The following EYS variants were observed in gnomAD, a reference collection of about 807,000 sequenced individuals.
The protein encoded by EYS is EGF-like photoreceptor maintenance factor, also known as protein eyes shut homolog.
Under a neutral mutation model 282.1 loss-of-function variants are expected in EYS, and 250 were observed. The ratio of observed to expected loss-of-function variants is 0.89; its 90% confidence interval spans 0.80 to 0.98. The LOEUF is 0.98. Among genes scored for constraint, EYS ranks in the 50% least tolerant of loss-of-function variants. The pLI, the probability that EYS is intolerant of heterozygous loss-of-function variation, is 0.00. For synonymous variants in EYS, 1,355 were observed against 1,282.9 expected, an observed-to-expected ratio of 1.06 and a Z score of -1.20; for missense variants, 4,016 against 3,709.0, an observed-to-expected ratio of 1.08 and a Z score of -2.15.
chr6:63,811,023 A>G (rs2149681185), intron 36 of EYS, among the ~76,000 whole-genome samples: 1 of 152,082 alleles, frequency 6.6e-6, no homozygotes, highest in Non-Finnish European at 1.5e-5. Flanking sequence ...ACCCCTTCTC[A>G]TTTGCTCAAG....
intron 15 of EYS, among the ~76,000 whole-genome samples, chr6:64,941,179 G>A (rs1218257916): frequency 2.0e-5 from 3 of 151,894 alleles, no homozygotes; most frequent in South Asian, 2.1e-4. Context: ...TCAGGAGTTC[G>A]AGACCAGCCT....
At chr6:64,612,743 A>G (rs970719369) in intron 24 of EYS, among the ~76,000 whole-genome samples, 1 of 151,908 alleles carries the variant, frequency 6.6e-6, no homozygotes, top group African/African-American at 2.4e-5. Context: ...CTCCCACATC[A>G]CTCTTCATCA....
chr6:65,140,629 T>C (rs1764305672), intron 12 of EYS, among the ~76,000 whole-genome samples: 1 of 150,472 alleles, frequency 6.6e-6, no homozygotes, highest in South Asian at 2.1e-4. Flanking sequence ...TACAATGAAC[T>C]CAAACAAATT....
At chr6:65,414,283 T>C (rs992087074) in intron 5 of EYS, among the ~76,000 whole-genome samples, 5 of 152,162 alleles carry the variant, frequency 3.3e-5, no homozygotes, top group African/African-American at 1.2e-4. Flanking sequence ...ATTCTGGCAT[T>C]TACTGCTTTT....
At chr6:64,769,406 AATT>A (rs1370358570) in intron 22 of EYS, among the ~76,000 whole-genome samples, 1 of 151,982 alleles carries the variant, frequency 6.6e-6, no homozygotes, top group Non-Finnish European at 1.5e-5. Flanking sequence ...AATTTTATAT[AATT>A]TTCACATTAT....
chr6:64,331,602 C>A (rs984565661), intron 29 of EYS, among the ~76,000 whole-genome samples: 1 of 12,578 alleles, frequency 8.0e-5, no homozygotes, highest in Non-Finnish European at 1.8e-4. Context: ...AGCCCCCCCG[C>A]CCGCCCAGTT....
intron 7 of EYS, among the ~76,000 whole-genome samples, chr6:65,391,924 T>TC (rs1766052860): frequency 6.6e-6 from 1 of 152,086 alleles, no homozygotes; most frequent in Non-Finnish European, 1.5e-5. Flanking sequence ...CAAACTATAC[T>TC]ACAAGGCTAT....
intron 31 of EYS, among the ~76,000 whole-genome samples, chr6:64,167,696 G>A (rs1163170318): frequency 3.3e-5 from 5 of 152,026 alleles, no homozygotes; most frequent in Non-Finnish European, 7.4e-5. Context: ...GTATGCATAT[G>A]ATATATTAAA....
At chr6:64,473,999 C>T (rs1006663143) in intron 26 of EYS, among the ~76,000 whole-genome samples, 2 of 152,136 alleles carry the variant, frequency 1.3e-5, no homozygotes, top group African/African-American at 2.4e-5. Context: ...CTTAATTATG[C>T]TCATTAATTA....
intron 2 of EYS, among the ~76,000 whole-genome samples, chr6:65,639,041 G>A (rs182432907): frequency 2.0e-4 from 31 of 152,216 alleles, no homozygotes; most frequent in African/African-American, 7.5e-4. Context: ...AAAACAAATA[G>A]TAACATGATT....
At chr6:65,242,240 T>A (rs926563488) in intron 12 of EYS, among the ~76,000 whole-genome samples, 2 of 152,070 alleles carry the variant, frequency 1.3e-5, no homozygotes, top group Non-Finnish European at 2.9e-5. Context: ...AATCTAATTT[T>A]AGAATTTTTT....
intron 14 of EYS, among the ~76,000 whole-genome samples, chr6:64,965,442 T>A (rs1157383403): frequency 6.6e-6 from 1 of 151,998 alleles, no homozygotes; most frequent in Non-Finnish European, 1.5e-5. Context: ...TATAGGAAAG[T>A]AAATGCATTG....
chr6:64,794,794 T>C (rs946696906), intron 22 of EYS, among the ~76,000 whole-genome samples: 2 of 152,206 alleles, frequency 1.3e-5, no homozygotes, highest in Admixed American at 6.5e-5. Context: ...TTCCCATTAC[T>C]ATGATTTTCT....
At chr6:64,044,787 C>T (rs1770545736) in intron 33 of EYS, among the ~76,000 whole-genome samples, 1 of 151,788 alleles carries the variant, frequency 6.6e-6, no homozygotes, top group South Asian at 2.1e-4. Context: ...ATTTACTATG[C>T]CAAGCTGTTT....
chr6:65,178,197 T>C (rs1023148184), intron 12 of EYS, among the ~76,000 whole-genome samples: 1 of 151,926 alleles, frequency 6.6e-6, no homozygotes, highest in Admixed American at 6.6e-5. Flanking sequence ...CATGACCTTA[T>C]AAAATTTCCC....
chr6:65,469,530 G>A (rs1165531828), intron 5 of EYS, among the ~76,000 whole-genome samples: 3 of 151,962 alleles, frequency 2.0e-5, no homozygotes, highest in African/African-American at 4.8e-5. Context: ...CTCAATGTAT[G>A]AAAGAAAATG....
At chr6:65,267,341 C>T (rs897151030) in intron 12 of EYS, among the ~76,000 whole-genome samples, 7 of 151,706 alleles carry the variant, frequency 4.6e-5, no homozygotes, top group Admixed American at 2.6e-4. Context: ...AATGACTAAT[C>T]GCATGAAAAA....
chr6:63,896,547 G>C (rs911416813), intron 35 of EYS, among the ~76,000 whole-genome samples: 4 of 152,044 alleles, frequency 2.6e-5, no homozygotes, highest in Admixed American at 6.6e-5. Flanking sequence ...AATTGATGAG[G>C]CTACACTGAC....
intron 28 of EYS, among the ~76,000 whole-genome samples, chr6:64,417,004 G>C (rs1045035521): frequency 6.6e-6 from 1 of 152,082 alleles, no homozygotes; most frequent in African/African-American, 2.4e-5. Context: ...GTAGAACTCT[G>C]GTTGTCCAAC....
Sources: gnomAD v4.1 joint callset for allele counts (sites outside exome capture counted in the v4.1 genomes callset) on GRCh38, gnomAD v4.1.1 for gene constraint, MANE v1.5 for transcripts, NCBI Gene and HGNC (gene_info 2026-07-23, HGNC 2026-07-21) for gene names.